CLPB: variants seen among roughly 807,000 people sequenced by gnomAD.
CLPB encodes ClpB family mitochondrial disaggregase.
CLPB carries 40 observed loss-of-function variants against 78.4 expected under a neutral mutation model. The observed-to-expected ratio is 0.51, with a 90% confidence interval of 0.40 to 0.66. The LOEUF is 0.66. Among genes scored for constraint, CLPB ranks in the 30% least tolerant of loss-of-function variants. The pLI is 0.00. For synonymous variants in CLPB, 333 were observed against 348.0 expected (o/e 0.96, Z 0.48); for missense variants, 780 against 886.9 (o/e 0.88, Z 1.53).
chr11:72,422,053 G>A (rs1856215690), intron 2 of CLPB, among the ~76,000 whole-genome samples: 2 of 150,916 alleles, frequency 1.3e-5, no homozygotes, highest in Admixed American at 1.3e-4. Flanking sequence ...GGATCACGAG[G>A]TCAGGAGATC....
Position 72,329,644 on chromosome 11 carries a change from ATGAGTGAAGGAT to A in CLPB, c.873+51_873+62del, listed in dbSNP as rs1405193075. On this transcript the variant is annotated intron_variant, in intron 6 of 15. Coordinates refer to ENST00000538039, the MANE Select transcript of CLPB (RefSeq NM_001258392.3). ...TTGGTGTAAAGCCTGACATAATTTA[ATGAGTGAAGGAT>A]TAAATGATGCATGGAGTACCCACAG... 2,538 of 1,079,584 alleles carry A rather than the reference ATGAGTGAAGGAT, an allele frequency of 2.4e-3. 44 individuals carry two copies. The African/African-American group carries it at 0.037, about 16-fold the overall frequency. The allele number at this position is 1,079,584 out of a possible 1,614,324, so 66.9% of individuals were successfully genotyped here. A position where few individuals can be genotyped will look rare whatever the true frequency, so the allele number is the denominator to read the frequency against.
intron 5 of CLPB, among the ~76,000 whole-genome samples, chr11:72,337,658 T>C (rs1950346014): frequency 6.6e-6 from 1 of 152,232 alleles, no homozygotes; most frequent in Non-Finnish European, 1.5e-5. Context: ...ACATGTTTGA[T>C]ATTTTACATA....
At chr11:72,327,777 G>C (rs185450237) in intron 6 of CLPB, among the ~76,000 whole-genome samples, 2 of 152,276 alleles carry the variant, frequency 1.3e-5, no homozygotes, top group East Asian at 3.9e-4. Flanking sequence ...AGGCACTTAA[G>C]GAAGTTGACC....
chr11:72,430,685 T>C (rs1856520778), intron 1 of CLPB, among the ~76,000 whole-genome samples: 1 of 152,224 alleles, frequency 6.6e-6, no homozygotes, highest in South Asian at 2.1e-4. Context: ...GCTCTGCATA[T>C]GCTTTATGTT....
At position 72,325,943 on chromosome 11, in the gene CLPB, T is replaced by G. The variant is rs547558072; in HGVS notation, c.873+3764A>C. On this transcript the variant is annotated intron_variant, in intron 6 of 15. Coordinates refer to ENST00000538039, the MANE Select transcript of CLPB (RefSeq NM_001258392.3). Reference sequence around the variant, plus strand: ...AAAAGGCCATCTATATAACTATACATAGATATGATCCAGAGAAGGCTAATA... The same window carrying G: ...AAAAGGCCATCTATATAACTATACAGAGATATGATCCAGAGAAGGCTAATA... Among the ~76,000 whole-genome samples the G allele has an allele frequency of 2.0e-5, 3 of 152,324 alleles. No homozygotes were observed. In the East Asian group the frequency reaches 5.8e-4, roughly 29 times the overall value.
At chr11:72,423,776 G>C (rs1158624200) in intron 2 of CLPB, among the ~76,000 whole-genome samples, 6 of 152,310 alleles carry the variant, frequency 3.9e-5, no homozygotes, top group Non-Finnish European at 7.3e-5. Flanking sequence ...TACAGACCCA[G>C]TGTGGTATGG....
At chr11:72,391,915 T>C (rs1384184588) in intron 3 of CLPB, among the ~76,000 whole-genome samples, 1 of 152,148 alleles carries the variant, frequency 6.6e-6, no homozygotes, top group Non-Finnish European at 1.5e-5. Flanking sequence ...GCTCTTGCTT[T>C]CAGGGTGGTG....
At chr11:72,393,940 C>G (rs1466541112) in intron 3 of CLPB, among the ~76,000 whole-genome samples, 1 of 152,158 alleles carries the variant, frequency 6.6e-6, no homozygotes, top group Non-Finnish European at 1.5e-5. Context: ...GCTTCATTAA[C>G]TCTGTTGGCA....
At chr11:72,313,106 AG>A (rs1439882700) in intron 7 of CLPB, among the ~76,000 whole-genome samples, 1 of 152,192 alleles carries the variant, frequency 6.6e-6, no homozygotes, top group East Asian at 1.9e-4. Flanking sequence ...GATAGGTGCC[AG>A]GGATATAGTG....
chr11:72,403,081 T>G (rs934356419), intron 2 of CLPB, 29 bp from the exon 3 acceptor site: 1 of 1,596,936 alleles, frequency 6.3e-7, no homozygotes, highest in African/African-American at 1.3e-5. Flanking sequence ...ATATTTTCAG[T>G]GTATGGCTTG....
chr11:72,304,927 G>A (rs575712690), intron 9 of CLPB, among the ~76,000 whole-genome samples: 1 of 152,288 alleles, frequency 6.6e-6, no homozygotes, highest in African/African-American at 2.4e-5. Context: ...AAAGTCCAGG[G>A]CTCTCTTGGA....
intron 5 of CLPB, among the ~76,000 whole-genome samples, chr11:72,330,518 C>T (rs1215696794): frequency 1.3e-5 from 2 of 152,258 alleles, no homozygotes; most frequent in Admixed American, 6.5e-5. Flanking sequence ...AAGCCTGTAT[C>T]AAGTGTCTAC....
At chr11:72,408,986 G>A (rs1051004751) in intron 2 of CLPB, among the ~76,000 whole-genome samples, 2 of 152,238 alleles carry the variant, frequency 1.3e-5, no homozygotes, top group African/African-American at 4.8e-5. Flanking sequence ...TGTGGCAAGT[G>A]AATTAATCTC....
At chr11:72,344,856 T>C (rs529834164) in intron 5 of CLPB, among the ~76,000 whole-genome samples, 9 of 152,138 alleles carry the variant, frequency 5.9e-5, no homozygotes, top group African/African-American at 2.2e-4. Flanking sequence ...AAAAGTCCTA[T>C]AGAAAAGTGG....
intron 5 of CLPB, among the ~76,000 whole-genome samples, chr11:72,334,923 C>T (rs952652566): frequency 2.6e-5 from 4 of 152,260 alleles, no homozygotes; most frequent in Non-Finnish European, 5.9e-5. Context: ...TTCCTGGCAG[C>T]ACTGCTGCGG....
intron 2 of CLPB, 108 bp from the exon 3 acceptor site, chr11:72,403,160 G>A: frequency 9.7e-7 from 1 of 1,032,432 alleles, no homozygotes; most frequent in Non-Finnish European, 1.5e-6. Context: ...GCTTATCATG[G>A]ATGTAAAAGT....
At chr11:72,308,460 G>A in intron 8 of CLPB, 67 bp downstream of exon 8, 2 of 1,410,172 alleles carry the variant, frequency 1.4e-6, no homozygotes, top group South Asian at 2.3e-5. Flanking sequence ...AGCAGCTGGG[G>A]CTGTCAGACT....
At chr11:72,299,368 G>A (rs1949613772) in intron 11 of CLPB, among the ~76,000 whole-genome samples, 1 of 152,156 alleles carries the variant, frequency 6.6e-6, no homozygotes, top group Non-Finnish European at 1.5e-5. Context: ...TCTTTAAAAG[G>A]CTCCTTACTC....
At chr11:72,404,473 A>G (rs1855647153) in intron 2 of CLPB, among the ~76,000 whole-genome samples, 1 of 152,232 alleles carries the variant, frequency 6.6e-6, no homozygotes, top group African/African-American at 2.4e-5. Context: ...GGATGATGAG[A>G]AACATCATGT....
Sources: gnomAD v4.1 joint callset for allele counts (sites outside exome capture counted in the v4.1 genomes callset) on GRCh38, gnomAD v4.1.1 for gene constraint, MANE v1.5 for transcripts, NCBI Gene and HGNC (gene_info 2026-07-23, HGNC 2026-07-21) for gene names.